The following MAPT variants were observed in gnomAD, a reference collection of about 807,000 sequenced individuals.
MAPT encodes microtubule associated protein tau.
A neutral mutation model predicts 67.9 loss-of-function variants in MAPT; 34 were observed. The ratio of observed to expected loss-of-function variants is 0.50; its 90% CI spans 0.38 to 0.67. The LOEUF (loss-of-function observed/expected upper bound fraction) is 0.67. Ranked by LOEUF, MAPT falls within the 30% of genes least tolerant of loss-of-function variation. The pLI, the probability that MAPT is intolerant of heterozygous loss-of-function variation, is 0.00. For missense variants in MAPT, 881 were observed against 1,115.2 expected (o/e 0.79, Z 2.99); for synonymous variants, 456 against 464.5 (o/e 0.98, Z 0.23).
chr17:45,941,589 C>A (rs971629381), intron 1 of MAPT, among the ~76,000 whole-genome samples: 1 of 132,652 alleles, frequency 7.5e-6, no homozygotes, highest in Non-Finnish European at 1.6e-5. Flanking sequence ...CCTTTGCCCG[C>A]CCTTCCTTCC....
intron 10 of MAPT, among the ~76,000 whole-genome samples, chr17:46,012,175 G>A (rs907078856): frequency 2.0e-5 from 3 of 152,210 alleles, no homozygotes; most frequent in Non-Finnish European, 2.9e-5. Flanking sequence ...CTGGTGCCCT[G>A]GTGGAGGCTG....
In MAPT at chr17:45,921,841, TG is replaced by T. The variant is rs554634037; in HGVS notation, c.-18+27160del. 6.8e-4 allele frequency among the ~76,000 whole-genome samples: 104 copies of T among 152,200 alleles called. 1 individual carries two copies. The highest frequency in any genetic ancestry group is 5.4e-3 in the Admixed American group (83 of 15,292). On this transcript the variant is annotated intron_variant, in intron 1 of 12. Transcript: ENST00000262410. ...AGACCTTAGGGAAAGAAGGACGTCT[TG>T]GGGGTATTCTGACTGTTGTCCTCCT... is the stretch of plus-strand genomic sequence containing the variant.
At chr17:46,003,570 C>T (rs140876664) in intron 9 of MAPT, among the ~76,000 whole-genome samples, 2,772 of 152,244 alleles carry the variant, frequency 0.018, 89 homozygotes, top group African/African-American at 0.064. Flanking sequence ...TGAGCCACCA[C>T]GCCTGCCCTT....
At chr17:45,905,585 T>G (rs1231517004) in intron 1 of MAPT, among the ~76,000 whole-genome samples, 1 of 152,218 alleles carries the variant, frequency 6.6e-6, no homozygotes, top group African/African-American at 2.4e-5. Context: ...ATCTTATCGT[T>G]TGTTACCAGT....
chr17:45,961,411 G>A (rs561987660), intron 1 of MAPT, among the ~76,000 whole-genome samples: 20 of 152,244 alleles, frequency 1.3e-4, no homozygotes, highest in African/African-American at 3.4e-4. Flanking sequence ...GAGAGCCACC[G>A]TTGGAACACA....
intron 2 of MAPT, among the ~76,000 whole-genome samples, chr17:45,965,739 A>T (rs2071011703): frequency 6.7e-6 from 1 of 149,124 alleles, no homozygotes; most frequent in South Asian, 2.1e-4. Flanking sequence ...AAAAAAAAAA[A>T]TAGTGCTGCT....
At chr17:45,958,340 A>G (rs17571857) in intron 1 of MAPT, among the ~76,000 whole-genome samples, 21,703 of 152,226 alleles carry the variant, frequency 0.14, 2,126 homozygotes, top group Non-Finnish European at 0.22. Context: ...GTTGCCACAA[A>G]TATGATCAAG....
chr17:45,948,083 T>C (rs1384547228), intron 1 of MAPT, among the ~76,000 whole-genome samples: 1 of 151,464 alleles, frequency 6.6e-6, no homozygotes, highest in Non-Finnish European at 1.5e-5. Context: ...CTCGGCTCAC[T>C]GCAACCTCTG....
chr17:45,962,274 G>C, intron 1 of MAPT, 47 bp from the exon 2 acceptor site: 1 of 1,528,670 alleles, frequency 6.5e-7, no homozygotes, highest in Non-Finnish European at 9.0e-7. Flanking sequence ...CCCCCACTCT[G>C]CCCCCCAACA....
At chr17:46,022,908 T>TA (rs1337765628) in intron 12 of MAPT, among the ~76,000 whole-genome samples, 1 of 152,112 alleles carries the variant, frequency 6.6e-6, no homozygotes, top group Admixed American at 6.5e-5. Flanking sequence ...GATAGATAGA[T>TA]AGATAGATAA....
chr17:45,974,508 GC>G, intron 3 of MAPT: 1 of 1,526,998 alleles, frequency 6.5e-7, no homozygotes, highest in East Asian at 2.3e-5. Flanking sequence ...GGCAGTCAAG[GC>G]CCTGCTGGGT....
intron 2 of MAPT, among the ~76,000 whole-genome samples, chr17:45,967,401 G>A (rs1251234274): frequency 6.6e-6 from 1 of 152,214 alleles, no homozygotes; most frequent in African/African-American, 2.4e-5. Context: ...CCTGTGCCCT[G>A]GCAGTCAAGG....
intron 8 of MAPT, among the ~76,000 whole-genome samples, chr17:45,992,049 G>T (rs1469551547): frequency 6.6e-6 from 1 of 151,956 alleles, no homozygotes; most frequent in Non-Finnish European, 1.5e-5. Context: ...GCCTCCCAAA[G>T]TGCTGGGATT....
At chr17:45,984,062 A>C in intron 5 of MAPT, 132 bp downstream of exon 5, 1 of 774,692 alleles carries the variant, frequency 1.3e-6, no homozygotes, top group Non-Finnish European at 2.1e-6. Context: ...CACTAAATCG[A>C]CACCTGGGTG....
chr17:45,999,650 C>A, intron 9 of MAPT: 1 of 1,605,110 alleles, frequency 6.2e-7, no homozygotes, highest in South Asian at 1.1e-5. Flanking sequence ...AGTCAGGCGA[C>A]CTCATGCCAA....
chr17:45,962,985 T>C (rs927253512), intron 2 of MAPT, among the ~76,000 whole-genome samples: 72 of 152,116 alleles, frequency 4.7e-4, no homozygotes, highest in African/African-American at 1.7e-3. Context: ...CATGAGTGAA[T>C]GTAGGGACAG....
intron 1 of MAPT, among the ~76,000 whole-genome samples, chr17:45,933,679 G>C (rs1230712486): frequency 6.6e-6 from 1 of 152,128 alleles, no homozygotes; most frequent in African/African-American, 2.4e-5. Context: ...ATCCTTTGGG[G>C]ACTGGGGAAA....
chr17:46,012,979 C>G (rs2075923938), intron 10 of MAPT, among the ~76,000 whole-genome samples: 1 of 152,202 alleles, frequency 6.6e-6, no homozygotes, highest in Admixed American at 6.5e-5. Context: ...TGGGTCTCAG[C>G]CATCTCTGCC....
At position 46,018,598 on chromosome 17, in the gene MAPT, T is replaced by C; in HGVS notation, c.2174-20T>C. 1 of 1,515,270 alleles carries C rather than the reference T, an allele frequency of 6.6e-7. No individual in the cohort carries two copies. The allele number at this position is 1,515,270 out of a possible 1,614,324, so 93.9% of individuals were successfully genotyped here. Reference sequence around the variant, plus strand: ...CACAGAAGATGATGGCAAGATGCTCTTGTGTGTGTTGTGTTCTAGGAGGTG... The same window carrying C: ...CACAGAAGATGATGGCAAGATGCTCCTGTGTGTGTTGTGTTCTAGGAGGTG... On this transcript the variant is annotated intron_variant, in intron 11 of 12. Coordinates refer to ENST00000262410, the MANE Select transcript of MAPT (RefSeq NM_001377265.1).
Sources: gnomAD v4.1 joint callset for allele counts (sites outside exome capture counted in the v4.1 genomes callset) on GRCh38, gnomAD v4.1.1 for gene constraint, MANE v1.5 for transcripts, NCBI Gene and HGNC (gene_info 2026-07-23, HGNC 2026-07-21) for gene names.